The following RIT2 variants were observed in gnomAD, a reference collection of about 807,000 sequenced individuals.
RIT2 encodes the protein GTP-binding protein Rit2.
In RIT2, 24 loss-of-function variants were observed where a neutral mutation model predicts 23.7. The ratio of observed to expected loss-of-function variants is 1.01; its 90% CI spans 0.73 to 1.43. The LOEUF (loss-of-function observed/expected upper bound fraction) is 1.43. Among genes scored for constraint, RIT2 ranks in the 40% most tolerant of loss-of-function variants. RIT2 has a pLI of 0.00. For missense variants in RIT2, 236 were observed against 266.9 expected (o/e 0.88, Z 0.81); for synonymous variants, 107 against 91.1 (o/e 1.17, Z -0.99).
intron 2 of RIT2, among the ~76,000 whole-genome samples, chr18:42,997,818 C>T (rs1911020680): frequency 6.6e-6 from 1 of 152,116 alleles, no homozygotes; most frequent in Non-Finnish European, 1.5e-5. Context: ...TAGCCAGTGA[C>T]TGCAAGAGAC....
At position 42,839,147 on chromosome 18, in the gene RIT2, A is replaced by G. The variant is rs1906696463; in HGVS notation, c.426+84425T>C. Among the ~76,000 whole-genome samples the G allele has an allele frequency of 1.3e-5, 2 of 152,184 alleles. 1 individual carries two copies. The highest frequency in any genetic ancestry group is 1.3e-4 in the Admixed American group (2 of 15,280). On this transcript the variant is annotated intron_variant, in intron 4 of 4. Transcript: ENST00000326695. ...GAGCAAAATCCCCATAAAACAAATT[A>G]ACAAAAATCAAGAGAGGGAGAAGCT...
chr18:42,991,741 G>A (rs936915110), intron 2 of RIT2, among the ~76,000 whole-genome samples: 4 of 151,884 alleles, frequency 2.6e-5, no homozygotes, highest in Non-Finnish European at 4.4e-5. Context: ...AAAAGCTCCC[G>A]TACTGAGCAC....
intron 4 of RIT2, among the ~76,000 whole-genome samples, chr18:42,775,767 C>A (rs1266124027): frequency 6.6e-6 from 1 of 151,746 alleles, no homozygotes; most frequent in Non-Finnish European, 1.5e-5. Context: ...GACGTCAGGA[C>A]CAAAATATAT....
At chr18:42,862,006 C>G (rs1334990082) in intron 4 of RIT2, among the ~76,000 whole-genome samples, 1 of 152,138 alleles carries the variant, frequency 6.6e-6, no homozygotes, top group Non-Finnish European at 1.5e-5. Context: ...TTAAGCATGA[C>G]AGAGGAGAGG....
At position 42,760,341 on chromosome 18, in the gene RIT2, A is replaced by G. The variant is rs189197492; in HGVS notation, c.427-16621T>C. Among the ~76,000 whole-genome samples, 15 of 152,330 alleles carry G rather than the reference A, an allele frequency of 9.8e-5. No homozygotes were observed. In the East Asian group the frequency reaches 2.7e-3, roughly 27 times the overall value. Reference sequence around the variant, plus strand: ...GACACACAGCATGCTGGAGTAAGGAAGGTAATCTTGACAAGTTTGTTAAGA... The same window carrying G: ...GACACACAGCATGCTGGAGTAAGGAGGGTAATCTTGACAAGTTTGTTAAGA... On this transcript the variant is annotated intron_variant, in intron 4 of 4. Coordinates refer to ENST00000326695, the MANE Select transcript of RIT2 (RefSeq NM_002930.4).
chr18:42,744,293 G>A (rs775980816), intron 4 of RIT2, among the ~76,000 whole-genome samples: 5 of 152,118 alleles, frequency 3.3e-5, no homozygotes, highest in Non-Finnish European at 5.9e-5. Flanking sequence ...TCACATGGAC[G>A]CACATGAAAC....
chr18:43,098,552 G>C (rs1247559454), intron 1 of RIT2, among the ~76,000 whole-genome samples: 1 of 151,876 alleles, frequency 6.6e-6, no homozygotes, highest in African/African-American at 2.4e-5. Context: ...AAACATAATT[G>C]TCAGCCTGGG....
intron 3 of RIT2, among the ~76,000 whole-genome samples, chr18:42,948,295 G>C (rs546569304): frequency 6.6e-6 from 1 of 152,058 alleles, no homozygotes; most frequent in Non-Finnish European, 1.5e-5. Context: ...AACTGAGGTA[G>C]TTAGAGGAGA....
At chr18:42,963,416 T>G (rs1198667302) in intron 3 of RIT2, among the ~76,000 whole-genome samples, 1 of 152,204 alleles carries the variant, frequency 6.6e-6, no homozygotes, top group African/African-American at 2.4e-5. Flanking sequence ...AGAAAATAAC[T>G]GGAAAACTGG....
intron 4 of RIT2, among the ~76,000 whole-genome samples, chr18:42,789,098 T>C (rs546322074): frequency 4.6e-5 from 7 of 152,330 alleles, no homozygotes; most frequent in African/African-American, 1.7e-4. Flanking sequence ...TTACCGTGTG[T>C]TGTGATCAAT....
chr18:42,795,071 G>C (rs560045932), intron 4 of RIT2, among the ~76,000 whole-genome samples: 10 of 152,364 alleles, frequency 6.6e-5, no homozygotes, highest in Admixed American at 2.6e-4. Flanking sequence ...CGCACTGAGA[G>C]GTGACAGTGT....
intron 4 of RIT2, among the ~76,000 whole-genome samples, chr18:42,812,563 G>T (rs1275999264): frequency 6.6e-6 from 1 of 152,056 alleles, no homozygotes; most frequent in South Asian, 2.1e-4. Context: ...TTGATTTTAA[G>T]TGTTCTACTC....
chr18:43,046,754 T>C (rs1328626981), intron 1 of RIT2, among the ~76,000 whole-genome samples: 1 of 152,210 alleles, frequency 6.6e-6, no homozygotes, highest in Admixed American at 6.5e-5. Flanking sequence ...CAGCTTTCCT[T>C]ATGTACTCAA....
intron 4 of RIT2, among the ~76,000 whole-genome samples, chr18:42,878,565 C>CTGTGTG (rs71371607): frequency 1.3e-3 from 192 of 147,602 alleles, no homozygotes; most frequent in South Asian, 5.4e-3. Flanking sequence ...AGATTCAACT[C>CTGTGTG]TGTGTGTGTG....
chr18:42,814,804 A>G (rs1905948550), intron 4 of RIT2, among the ~76,000 whole-genome samples: 1 of 152,208 alleles, frequency 6.6e-6, no homozygotes, highest in African/African-American at 2.4e-5. Flanking sequence ...AAGAACCCTT[A>G]CAGAGTCCAT....
At chr18:42,919,870 C>T (rs1461265763) in intron 4 of RIT2, among the ~76,000 whole-genome samples, 1 of 152,076 alleles carries the variant, frequency 6.6e-6, no homozygotes, top group African/African-American at 2.4e-5. Context: ...TTCTATTCTC[C>T]AGTGGGAAGA....
intron 1 of RIT2, among the ~76,000 whole-genome samples, chr18:43,101,498 G>C (rs8096460): frequency 0.049 from 7,460 of 152,110 alleles, 230 homozygotes; most frequent in South Asian, 0.13. Context: ...AATACCATAG[G>C]AAATTAAAAT....
intron 2 of RIT2, among the ~76,000 whole-genome samples, chr18:43,028,392 A>C (rs929008386): frequency 6.6e-6 from 1 of 152,066 alleles, no homozygotes; most frequent in African/African-American, 2.4e-5. Context: ...TGCTTGGCAT[A>C]TTTAAAGAAC....
intron 4 of RIT2, among the ~76,000 whole-genome samples, chr18:42,892,840 G>A (rs1326446382): frequency 1.3e-5 from 2 of 152,170 alleles, no homozygotes; most frequent in Non-Finnish European, 2.9e-5. Flanking sequence ...ACAGTGTTGT[G>A]TTAGCAGTTC....
Sources: gnomAD v4.1 joint callset for allele counts (sites outside exome capture counted in the v4.1 genomes callset) on GRCh38, gnomAD v4.1.1 for gene constraint, MANE v1.5 for transcripts, NCBI Gene and HGNC (gene_info 2026-07-23, HGNC 2026-07-21) for gene names.